The following GVQW3 variants were observed in gnomAD, a reference collection of about 807,000 sequenced individuals.
GVQW3 encodes protein GVQW3.
In GVQW3, 7 loss-of-function variants were observed where a neutral mutation model predicts 12.5. The ratio of observed to expected loss-of-function variants is 0.56; its 90% CI spans 0.32 to 1.05. GVQW3 has a LOEUF of 1.05. Among genes scored for constraint, GVQW3 ranks in the 50% least tolerant of loss-of-function variants. The pLI, the probability that GVQW3 is intolerant of heterozygous loss-of-function variation, is 0.04. For missense variants in GVQW3, 188 were observed against 190.8 expected, an observed-to-expected ratio of 0.99 and a Z score of 0.09; for synonymous variants, 71 against 67.2, an observed-to-expected ratio of 1.06 and a Z score of -0.28.
downstream of GVQW3, chr11:76,412,752 C>G (rs1400198666): frequency 2.0e-5 from 3 of 152,210 alleles, no homozygotes; most frequent in African/African-American, 7.2e-5. Context: ...CTGGGAAGGC[C>G]AGGTCACAGC....
intron 1 of GVQW3, among the ~76,000 whole-genome samples, chr11:76,401,337 T>C (rs1401238564): frequency 6.6e-6 from 1 of 152,170 alleles, no homozygotes; most frequent in Admixed American, 6.5e-5. Context: ...GAGAGTATTT[T>C]CCTCAGGATA....
In GVQW3 at chr11:76,407,913, A is replaced by C. The variant is rs2134569812; in HGVS notation, c.*4155A>C. 1 of 146,326 alleles carries C rather than the reference A, an allele frequency of 6.8e-6. No homozygotes were observed. The highest frequency in any genetic ancestry group is 1.5e-5 in the Non-Finnish European group (1 of 66,988). The allele number at this position is 146,326 out of a possible 1,614,324, so 9.1% of individuals were successfully genotyped here. ...AACAGACTATAAAACCACATGCATT[A>C]TATAGTCCCATTTTTACTTTCTGTA... On this transcript the variant is annotated 3_prime_UTR_variant, in exon 2 of 2. Coordinates refer to ENST00000529331, the MANE Select transcript of GVQW3 (RefSeq NM_001347885.2).
rs75901851 is a variant in GVQW3, at chr11:76,387,483, G to A, written c.465+5190G>A. ...TAGGCCATAGAAAAACAGATGGCAG[G>A]ACAGATTTGGCCCATCGGCTATAGT... On this transcript the variant is annotated intron_variant, in intron 1 of 1. Transcript: ENST00000529331. Among the ~76,000 whole-genome samples, 987 of 152,234 alleles carry A rather than the reference G, an allele frequency of 6.5e-3. 2 individuals are homozygous for A. Among genetic ancestry groups the A allele is most frequent in the Non-Finnish European group, 0.01 (696 of 68,008 alleles).
intron 1 of GVQW3, among the ~76,000 whole-genome samples, chr11:76,388,106 C>G (rs772900860): frequency 1.3e-5 from 2 of 152,108 alleles, no homozygotes; most frequent in East Asian, 1.9e-4. Context: ...AATATCAAAA[C>G]CAGTGTTGGC....
At chr11:76,388,796 T>G (rs1946862449) in intron 1 of GVQW3, among the ~76,000 whole-genome samples, 1 of 152,188 alleles carries the variant, frequency 6.6e-6, no homozygotes, top group South Asian at 2.1e-4. Context: ...TGCTCTGGTC[T>G]TGATGCCTCT....
chr11:76,402,539 C>T (rs560984529), intron 1 of GVQW3, among the ~76,000 whole-genome samples: 1 of 143,946 alleles, frequency 6.9e-6, no homozygotes, highest in Non-Finnish European at 1.5e-5. Flanking sequence ...GATGACAGAG[C>T]GAGACTCTGT....
chr11:76,397,002 C>CTTTTTTTTTT (rs11401694), intron 1 of GVQW3, among the ~76,000 whole-genome samples: 1 of 110,872 alleles, frequency 9.0e-6, no homozygotes, highest in Non-Finnish European at 1.8e-5. Context: ...TCATTTATTC[C>CTTTTTTTTTT]TTTTTTTTTT....
chr11:76,382,767 T>G (rs1946791252), intron 1 of GVQW3: 1 of 253,056 alleles, frequency 4.0e-6, no homozygotes, highest in Admixed American at 5.0e-5. Flanking sequence ...ACCTTCTGCC[T>G]CAGAGGATCA....
At chr11:76,400,802 T>C (rs1161466755) in intron 1 of GVQW3, among the ~76,000 whole-genome samples, 1 of 152,200 alleles carries the variant, frequency 6.6e-6, no homozygotes, top group Non-Finnish European at 1.5e-5. Context: ...AAATTCTTGT[T>C]CGGGTTTTCT....
downstream of GVQW3, chr11:76,408,389 G>A (rs1324152756): frequency 6.6e-6 from 1 of 152,180 alleles, no homozygotes; most frequent in African/African-American, 2.4e-5. Flanking sequence ...CTATCTAAGT[G>A]TAAGTTAGTC....
downstream of GVQW3, chr11:76,408,759 A>T (rs1004235142): frequency 1.3e-5 from 2 of 152,182 alleles, no homozygotes; most frequent in Non-Finnish European, 2.9e-5. Flanking sequence ...GCAGTCTATG[A>T]TTTACATTGG....
chr11:76,391,652 C>T (rs948664836), intron 1 of GVQW3, among the ~76,000 whole-genome samples: 1 of 152,196 alleles, frequency 6.6e-6, no homozygotes, highest in African/African-American at 2.4e-5. Flanking sequence ...TCAGCTTCCT[C>T]CTTCAAAAAC....
chr11:76,389,321 A>G (rs529098495), intron 1 of GVQW3, among the ~76,000 whole-genome samples: 10 of 152,340 alleles, frequency 6.6e-5, no homozygotes, highest in South Asian at 2.1e-4. Context: ...AATTTTCTCC[A>G]GTATATTACT....
In GVQW3 at chr11:76,406,657, T is replaced by G. The variant is rs1261740891; in HGVS notation, c.*2899T>G. The G allele has an allele frequency of 2.0e-5, 3 of 152,232 alleles. No individual in the cohort carries two copies. Among genetic ancestry groups the G allele is most frequent in the Non-Finnish European group, 4.4e-5 (3 of 68,038 alleles). The allele number at this position is 152,232 out of a possible 1,614,324, so 9.4% of individuals were successfully genotyped here. On this transcript the variant is annotated 3_prime_UTR_variant, in exon 2 of 2. Coordinates refer to ENST00000529331, the MANE Select transcript of GVQW3 (RefSeq NM_001347885.2). ...AGATGCAAAAGAATGTGTTGTCTGC[T>G]TTGCAGCCAATTTTCAAATAAAAAA...
Position 76,403,813 on chromosome 11 carries a change from C to A in GVQW3, c.*55C>A. 1.6e-6 allele frequency: 1 copy of A among 645,062 alleles called. No homozygotes were observed. The highest frequency in any genetic ancestry group is 1.7e-5 in the South Asian group (1 of 59,846). 40.0% of individuals were successfully genotyped at this position (645,062 alleles called of 1,614,324 possible). On this transcript the variant is annotated 3_prime_UTR_variant, in exon 2 of 2. Coordinates refer to ENST00000529331, the MANE Select transcript of GVQW3 (RefSeq NM_001347885.2). The stretch of plus-strand genomic sequence containing the variant: ...CAATGGTGTAAATTCCAGTCTGAGT[C>A]CACAGGCCGAAGAGCGAGGAGTGCT...
downstream of GVQW3, chr11:76,408,137 T>C (rs1279076952): frequency 6.6e-6 from 1 of 152,124 alleles, no homozygotes; most frequent in Non-Finnish European, 1.5e-5. Context: ...AAGAAAGAAA[T>C]GTGTTTTACT....
Position 76,382,294 on chromosome 11 carries a change from G to T in GVQW3, c.465+1G>T. On this transcript the variant is annotated splice_donor_variant, in intron 1 of 1. Transcript: ENST00000529331. LOFTEE classifies it high-confidence loss of function. ...AAATAGCTCATGTTTGAGGAAAAAG[G>T]TAACAGGTTCTGAAACATGGAGTTA... 2 of 1,498,896 alleles carry T rather than the reference G, an allele frequency of 1.3e-6. No individual in the cohort carries two copies. The highest frequency in any genetic ancestry group is 1.8e-6 in the Non-Finnish European group (2 of 1,113,308). 92.8% of individuals were successfully genotyped at this position (1,498,896 alleles called of 1,614,324 possible). A position where few individuals can be genotyped will look rare whatever the true frequency, so the allele number is the denominator to read the frequency against.
intron 1 of GVQW3, among the ~76,000 whole-genome samples, chr11:76,385,026 C>G (rs2851149): frequency 0.95 from 144,913 of 152,294 alleles, 69,021 homozygotes; most frequent in African/African-American, 0.98. Context: ...CAACTTACTT[C>G]TGGATTTTAT....
intron 1 of GVQW3, among the ~76,000 whole-genome samples, chr11:76,390,706 A>G (rs1456198132): frequency 6.6e-6 from 1 of 152,160 alleles, no homozygotes; most frequent in Non-Finnish European, 1.5e-5. Context: ...GGGCGCCTGT[A>G]GTCCCAGCTA....
Sources: gnomAD v4.1 joint callset for allele counts (sites outside exome capture counted in the v4.1 genomes callset) on GRCh38, gnomAD v4.1.1 for gene constraint, MANE v1.5 for transcripts, NCBI Gene and HGNC (gene_info 2026-07-23, HGNC 2026-07-21) for gene names.